Variants in FLT4 observed in about 807,000 individuals in gnomAD.
The protein encoded by FLT4 is fms related receptor tyrosine kinase 4, also known as vascular endothelial growth factor receptor 3.
FLT4 carries 30 observed loss-of-function variants against 163.2 expected under a neutral mutation model. That is an observed-to-expected ratio of 0.18 (90% confidence interval 0.14 to 0.25). The LOEUF is 0.25. Ranked by LOEUF, FLT4 falls within the 10% of genes least tolerant of loss-of-function variation. The pLI is 1.00. For synonymous variants in FLT4, 884 were observed against 789.5 expected (o/e 1.12, Z -2.01); for missense variants, 1,510 against 1,863.8 (o/e 0.81, Z 3.50).
intron 29 of FLT4, among the ~76,000 whole-genome samples, chr5:180,603,767 G>A (rs1205131987): frequency 6.6e-6 from 1 of 152,132 alleles, no homozygotes; most frequent in African/African-American, 2.4e-5. Context: ...AGCCGGGCGT[G>A]GTGGCGGGCG....
At chr5:180,609,813 G>C in intron 28 of FLT4, 92 bp downstream of exon 28, 3 of 1,496,028 alleles carry the variant, frequency 2.0e-6, no homozygotes, top group Non-Finnish European at 2.8e-6. Flanking sequence ...GTTGGGTTCT[G>C]CCATTTGCCT....
chr5:180,603,670 C>T (rs370214670), intron 29 of FLT4, among the ~76,000 whole-genome samples: 4 of 152,220 alleles, frequency 2.6e-5, no homozygotes, highest in Admixed American at 6.5e-5. Flanking sequence ...GCTGGGAGAC[C>T]GAGGCGGGCG....
rs3765095 is a variant in FLT4 at position 180,616,731 on chromosome 5, C to A, written c.3096+169G>T. Among the ~76,000 whole-genome samples the A allele has an allele frequency of 0.25, 38,170 of 152,088 alleles. 5,082 individuals carry two copies. The highest frequency in any genetic ancestry group is 0.34 in the Middle Eastern group (100 of 294). On this transcript the variant is annotated intron_variant, in intron 22 of 29. Coordinates refer to ENST00000261937, the MANE Select transcript of FLT4 (RefSeq NM_182925.5). ...ACTCTGCTGCTGACCAGCCAAGAGA[C>A]CTTGGGAGGTCAACTCCATGCTTTG...
chr5:180,627,612 G>A (rs1561732999), intron 8 of FLT4, among the ~76,000 whole-genome samples: 1 of 152,186 alleles, frequency 6.6e-6, no homozygotes. Flanking sequence ...TAGGAAGGGT[G>A]GGCACCACAG....
intron 1 of FLT4, 76 bp from the exon 2 acceptor site, chr5:180,631,854 C>T: frequency 9.5e-7 from 1 of 1,052,028 alleles, no homozygotes; most frequent in Non-Finnish European, 1.5e-6. Context: ...GCTGGGCATT[C>T]TGCATCGCAA....
upstream of FLT4, chr5:180,649,732 A>G (rs1008556967): frequency 5.5e-6 from 1 of 181,730 alleles, no homozygotes. Flanking sequence ...CGTCCGGTGC[A>G]CCCGAGCAGT....
rs371278063 is a variant in FLT4 at position 180,612,682 on chromosome 5, T to C, written c.3432-71A>G. 288 of 1,078,748 alleles carry C rather than the reference T, an allele frequency of 2.7e-4. 2 individuals carry two copies. In the African/African-American group the frequency reaches 4.6e-3, roughly 17 times the overall value. The allele number at this position is 1,078,748 out of a possible 1,614,324, so 66.8% of individuals were successfully genotyped here. The stretch of plus-strand genomic sequence containing the variant: ...TCCCAGGACCTTCAGTGCCCCAGCC[T>C]TCCTGGGCCCTCTCACCCACTCTGC... On this transcript the variant is annotated intron_variant, in intron 25 of 29. Coordinates refer to ENST00000261937, the MANE Select transcript of FLT4 (RefSeq NM_182925.5).
chr5:180,616,454 C>G lies in FLT4; in HGVS notation c.3132G>C (p.Leu1044=). Reference sequence around the variant, plus strand: ...TCTTCACCACGTCGCTTTCCGACAGCAGAATGTTCCGAGCAGCCAGGTCTC... The same window carrying G: ...TCTTCACCACGTCGCTTTCCGACAGGAGAATGTTCCGAGCAGCCAGGTCTC... ...IHRDLAARNI[L]LSESDVVKIC... The change falls in exon 23 of 30, where the codon CTG becomes CTC. Residue 1044 remains leucine, a synonymous_variant. Transcript: ENST00000261937. 1 of 1,613,958 alleles carries G rather than the reference C, an allele frequency of 6.2e-7. No individual in the cohort carries two copies. The highest frequency in any genetic ancestry group is 8.5e-7 in the Non-Finnish European group (1 of 1,179,998).
At position 180,621,244 on chromosome 5, in the gene FLT4, C is replaced by G. The variant is rs2127815293; in HGVS notation, c.2029G>C (p.Ala677Pro). ...KKYLSVQALEAPRLTQNLTDL... is the reference protein window; with the variant it reads ...KKYLSVQALEPPRLTQNLTDL... ...GTCAAGTTCTGCGTGAGCCGAGGGG[C>G]TTCCAGGGCTGGGGGCAGGGGTCGA... is the stretch of plus-strand genomic sequence containing the variant. The change falls in exon 14 of 30, where the codon GCC becomes CCC. Residue 677 changes from alanine to proline, a missense_variant. Coordinates refer to ENST00000261937, the MANE Select transcript of FLT4 (RefSeq NM_182925.5). The G allele has an allele frequency of 2.5e-6, 4 of 1,611,824 alleles. No homozygotes were observed. The highest frequency in any genetic ancestry group is 3.4e-6 in the Non-Finnish European group (4 of 1,179,224).
intron 1 of FLT4, among the ~76,000 whole-genome samples, chr5:180,648,384 G>A (rs1393663173): frequency 6.6e-6 from 1 of 152,196 alleles, no homozygotes; most frequent in African/African-American, 2.4e-5. Flanking sequence ...GGACCTTGGG[G>A]AAGTGACACA....
Position 180,620,707 on chromosome 5 carries a change from C to G in FLT4, c.2308G>C (p.Asp770His). The G allele has an allele frequency of 6.2e-7, 1 of 1,613,246 alleles. No individual in the cohort carries two copies. Among genetic ancestry groups the G allele is most frequent in the Non-Finnish European group, 8.5e-7 (1 of 1,179,846 alleles). ...SASVAVEGSE[D>H]KGSMEIVILV... The stretch of plus-strand genomic sequence containing the variant: ...ATCACGATCTCCATGCTGCCCTTAT[C>G]CTCGGAGCCTGCGTGGGCAGAAAGG... The change falls in exon 16 of 30, where the codon GAT (aspartate) becomes CAT (histidine). Residue 770 changes from aspartate to histidine, a missense_variant. Physicochemically the swap from Asp to His is moderately conservative, Grantham distance 81. Coordinates refer to ENST00000261937, the MANE Select transcript of FLT4 (RefSeq NM_182925.5). The surrounding 1 kb of genome is among the most constrained non-coding windows in gnomAD (Gnocchi z 4.4).
In FLT4 at chr5:180,630,131, G is replaced by A; in HGVS notation, c.514-26C>T. On this transcript the variant is annotated intron_variant, in intron 4 of 29. Coordinates refer to ENST00000261937, the MANE Select transcript of FLT4 (RefSeq NM_182925.5). This position sits in a 1 kb window ranked among gnomAD's most constrained non-coding sequence, Gnocchi z 6.3. ...CTGGAGGGACAAGGCCACCATCATT[G>A]CCCAGCTGCCCCTTGCTCCTGGCCA... The A allele has an allele frequency of 6.8e-7, 1 of 1,481,322 alleles. No homozygotes were observed. The highest frequency in any genetic ancestry group is 9.1e-7 in the Non-Finnish European group (1 of 1,100,502). 91.8% of individuals were successfully genotyped at this position (1,481,322 alleles called of 1,614,324 possible).
upstream of FLT4, chr5:180,649,609 G>T (rs1181412114): frequency 2.9e-6 from 3 of 1,031,190 alleles, no homozygotes; most frequent in Non-Finnish European, 3.6e-6. Context: ...GTGTCCGCGC[G>T]GGCGCCGGCT....
At position 180,621,550 on chromosome 5, in the gene FLT4, G is replaced by A. The variant is rs770298389; in HGVS notation, c.2012C>T (p.Ser671Leu). Residue 671 changes from serine (S) to leucine (L), a missense_variant, in exon 13 of 30, where the codon TCG (serine) becomes TTG (leucine). This residue lies in a region of FLT4 where 878 missense variants were observed against 1,016.7 expected (regional missense o/e 0.86). Transcript: ENST00000261937. ...CCCGCGGCCAGCCTCACCCTGCACC[G>A]ACAGGTACTTCTTGTGGCAGTGCTT... ...HDKHCHKKYL[S>L]VQALEAPRLT... 1.2e-6 allele frequency: 2 copies of A among 1,611,866 alleles called. No individual in the cohort carries two copies. Among genetic ancestry groups the A allele is most frequent in the Non-Finnish European group, 1.7e-6 (2 of 1,179,528 alleles).
At chr5:180,631,451 T>G (rs307818) in intron 2 of FLT4, among the ~76,000 whole-genome samples, 3 of 151,386 alleles carry the variant, frequency 2.0e-5, no homozygotes, top group Non-Finnish European at 4.4e-5. Flanking sequence ...CCAGCCTGGG[T>G]GACAGAGTGA....
rs1764705997 is a variant in FLT4, at chr5:180,636,560, C to T, written c.59-4782G>A. ...AGCTCCTGGCTCACCATCCCCCCCA[C>T]CCCAGCTCCTGCCCTTCTCCATGAC... On this transcript the variant is annotated intron_variant, in intron 1 of 29. Coordinates refer to ENST00000261937, the MANE Select transcript of FLT4 (RefSeq NM_182925.5). The surrounding 1 kb of genome is among the most constrained non-coding windows in gnomAD (Gnocchi z 4.3). Among the ~76,000 whole-genome samples the T allele has an allele frequency of 6.7e-6, 1 of 149,964 alleles. No homozygotes were observed. Among genetic ancestry groups the T allele is most frequent in the Non-Finnish European group, 1.5e-5 (1 of 67,420 alleles).
At chr5:180,622,177 C>CCT (rs1003403290) in intron 12 of FLT4, among the ~76,000 whole-genome samples, 6 of 152,268 alleles carry the variant, frequency 3.9e-5, no homozygotes, top group Admixed American at 1.3e-4. Context: ...TTCCCAGTGC[C>CCT]GTGCGCCCAC....
In FLT4 at chr5:180,603,278, C is replaced by T. The variant is rs201796032; in HGVS notation, c.4006G>A (p.Glu1336Lys). ...CTTGGCTCCGACAGCTCCCCATACT[C>T]GCTGTTGTAAAACACCTGGCCTCCT... The part of the protein sequence containing the change: ...ARGGQVFYNS[E>K]YGELSEPSEE... Residue 1336 changes from glutamate (E) to lysine (K), a missense_variant, in exon 30 of 30, where the codon GAG becomes AAG. Around this residue, in one of 5 missense-constraint regions of FLT4, gnomAD observed 295 missense variants for 311.0 expected, o/e 0.95. Transcript: ENST00000261937. The T allele has an allele frequency of 1.1e-3, 1,764 of 1,614,094 alleles. 22 individuals are homozygous for T. The highest frequency in any genetic ancestry group is 5.0e-3 in the East Asian group (226 of 44,884).
At position 180,622,782 on chromosome 5, in the gene FLT4, C is replaced by T. The variant is rs1454135156; in HGVS notation, c.1606G>A (p.Val536Ile). 9 of 1,613,538 alleles carry T rather than the reference C, an allele frequency of 5.6e-6. No homozygotes were observed. The highest frequency in any genetic ancestry group is 6.8e-6 in the Non-Finnish European group (8 of 1,179,920). Residue 536 changes from valine (V) to isoleucine (I), a missense_variant, in exon 12 of 30, where the codon GTC becomes ATC. By Grantham distance (29) the Val-to-Ile change is conservative. Around this residue, in one of 5 missense-constraint regions of FLT4, gnomAD observed 878 missense variants for 1,016.7 expected, o/e 0.86. Transcript: ENST00000261937. ...ANVSAMYKCV[V>I]SNKVGQDERL... ...TCATCCTGGCCCACCTTGTTGGAGA[C>T]CACACACTTGTACATGGCAGACACG...
Sources: gnomAD v4.1 joint callset for allele counts (sites outside exome capture counted in the v4.1 genomes callset) on GRCh38, gnomAD v4.1.1 for gene constraint, gnomAD v4.1.1 regional missense constraint, Gnocchi (gnomAD v3.1) non-coding constraint, MANE v1.5 for transcripts, NCBI Gene and HGNC (gene_info 2026-07-23, HGNC 2026-07-21) for gene names.